SNX13: variants seen among roughly 807,000 people sequenced by gnomAD.
SNX13 encodes the protein sorting nexin 13.
Under a neutral mutation model 133.6 loss-of-function variants are expected in SNX13, and 45 were observed. The observed-to-expected ratio is 0.34, with a 90% CI of 0.27 to 0.43. The LOEUF is 0.43. SNX13 is among the 20% of genes least tolerant of loss of function. SNX13 has a pLI of 1.00. For synonymous variants in SNX13, 414 were observed against 373.9 expected (o/e 1.11, Z -1.24); for missense variants, 1,032 against 1,145.1 (o/e 0.90, Z 1.43).
intron 1 of SNX13, among the ~76,000 whole-genome samples, chr7:17,933,960 A>G (rs1353337627): frequency 6.6e-6 from 1 of 152,208 alleles, no homozygotes; most frequent in Non-Finnish European, 1.5e-5. Flanking sequence ...AAAAGCTTAG[A>G]AAGTTCAAAC....
intron 9 of SNX13, among the ~76,000 whole-genome samples, chr7:17,862,361 T>C (rs1792814499): frequency 6.6e-6 from 1 of 152,210 alleles, no homozygotes; most frequent in South Asian, 2.1e-4. Context: ...CTTAAATGTT[T>C]ATAAATTTTG....
At chr7:17,922,629 A>G (rs1202574163) in intron 1 of SNX13, among the ~76,000 whole-genome samples, 1 of 152,222 alleles carries the variant, frequency 6.6e-6, no homozygotes, top group Non-Finnish European at 1.5e-5. Flanking sequence ...AATTGGCATC[A>G]TAACATTTAT....
chr7:17,793,792 C>G lies in SNX13; in HGVS notation c.*253G>C. 1 of 350,044 alleles carries G rather than the reference C, an allele frequency of 2.9e-6. No homozygotes were observed. Among genetic ancestry groups the G allele is most frequent in the Non-Finnish European group, 5.2e-6 (1 of 192,556 alleles). 21.7% of individuals were successfully genotyped at this position (350,044 alleles called of 1,614,324 possible). Reference sequence around the variant, plus strand: ...ATGGAAGAAACCAACGCCATTCTTGCTTGAGATGGGGGCAGTTTTCTCTCA... The same window carrying G: ...ATGGAAGAAACCAACGCCATTCTTGGTTGAGATGGGGGCAGTTTTCTCTCA... On this transcript the variant is annotated 3_prime_UTR_variant, in exon 26 of 26. Transcript: ENST00000428135.
intron 9 of SNX13, among the ~76,000 whole-genome samples, chr7:17,864,773 AAGGAGAAGG>A (rs1793164517): frequency 6.6e-6 from 1 of 151,668 alleles, no homozygotes; most frequent in Non-Finnish European, 1.5e-5. Flanking sequence ...GAAGGAAAAG[AAGGAGAAGG>A]AGGAGAAGGG....
rs549661864 is a variant in SNX13 at position 17,889,952 on chromosome 7, AGGAGAAG to A, written c.440+404_440+410del. The A allele has an allele frequency of 8.7e-4, 134 of 153,840 alleles. No individual in the cohort carries two copies. In the East Asian group the frequency reaches 0.01, roughly 12 times the overall value. 9.5% of individuals were successfully genotyped at this position (153,840 alleles called of 1,614,324 possible). On this transcript the variant is annotated intron_variant, in intron 5 of 25. Transcript: ENST00000428135. ...CTTCCAATAGATATGTGTCATAATT[AGGAGAAG>A]GGTTACAGCAAAACTATGTGGAGAA...
intron 13 of SNX13, among the ~76,000 whole-genome samples, chr7:17,835,239 G>A (rs1294958426): frequency 5.9e-5 from 9 of 151,818 alleles, no homozygotes; most frequent in African/African-American, 2.2e-4. Flanking sequence ...CTGGCACATA[G>A]GAAACACTGT....
chr7:17,909,379 T>C (rs1046477666), intron 1 of SNX13, among the ~76,000 whole-genome samples: 3 of 152,210 alleles, frequency 2.0e-5, no homozygotes, highest in Non-Finnish European at 2.9e-5. Context: ...GAAATCATTC[T>C]ATTATAAAGA....
At position 17,794,066 on chromosome 7, in the gene SNX13, C is replaced by A. The variant is rs184459414; in HGVS notation, c.2853G>T (p.Ala951=). 11 of 1,611,288 alleles carry A rather than the reference C, an allele frequency of 6.8e-6. No individual in the cohort carries two copies. The highest frequency in any genetic ancestry group is 9.3e-6 in the Non-Finnish European group (11 of 1,178,154). ...KYKQKLQTTQ[A]PSLQKR ...AGTGTCACCTTTTCTGCAAAGAAGGCGCTTGAGTAGTTTGAAGTTTCTGTT... is the reference window on the plus strand; with the variant it reads ...AGTGTCACCTTTTCTGCAAAGAAGGAGCTTGAGTAGTTTGAAGTTTCTGTT... The change falls in exon 26 of 26, where the codon GCG becomes GCT. Residue 951 remains alanine (A), a synonymous_variant. Transcript: ENST00000428135.
rs530572345 is a variant in SNX13 at position 17,852,622 on chromosome 7, G to A, written c.838-1658C>T. On this transcript the variant is annotated intron_variant, in intron 9 of 25. Coordinates refer to ENST00000428135, the MANE Select transcript of SNX13 (RefSeq NM_015132.5). ...GTTTTGCTGTAAAAAAAATAAGCAG[G>A]AGTAAAGAGTACTGCCTAAAATGGA... Among the ~76,000 whole-genome samples, 18 of 152,256 alleles carry A rather than the reference G, an allele frequency of 1.2e-4. No homozygotes were observed. In the South Asian group the frequency reaches 3.3e-3, roughly 28 times the overall value.
At chr7:17,885,938 T>C (rs1030277971) in intron 5 of SNX13, among the ~76,000 whole-genome samples, 1 of 152,198 alleles carries the variant, frequency 6.6e-6, no homozygotes, top group African/African-American at 2.4e-5. Flanking sequence ...ATAAATATAA[T>C]AACTGTCTTT....
In SNX13 at chr7:17,799,023, G is replaced by C. The variant is rs199658532; in HGVS notation, c.2430C>G (p.Gly810=). Residue 810 remains glycine, a synonymous_variant, in exon 23 of 26, where the codon GGC becomes GGG. Coordinates refer to ENST00000428135, the MANE Select transcript of SNX13 (RefSeq NM_015132.5). The part of the protein sequence containing the change: ...LLQQLIRATY[G]DTINRKIVDH... ...AAGAGTGCTACCTATTAATAGTATC[G>C]CCATATGTAGCTCTAATAAGCTGTT... The C allele has an allele frequency of 9.3e-6, 15 of 1,609,310 alleles. No individual in the cohort carries two copies. Among genetic ancestry groups the C allele is most frequent in the Non-Finnish European group, 1.3e-5 (15 of 1,177,390 alleles).
At chr7:17,809,907 G>A (rs759821216) in intron 20 of SNX13, among the ~76,000 whole-genome samples, 7 of 152,138 alleles carry the variant, frequency 4.6e-5, no homozygotes, top group Non-Finnish European at 1.0e-4. Context: ...AAATAAATAC[G>A]TTCCTTGAAA....
intron 20 of SNX13, among the ~76,000 whole-genome samples, chr7:17,808,525 C>T (rs189450564): frequency 2.0e-5 from 3 of 152,170 alleles, no homozygotes; most frequent in African/African-American, 7.2e-5. Context: ...AGTTGGAAAA[C>T]ACTCTTCAGG....
chr7:17,799,247 C>T, intron 22 of SNX13, 93 bp from the exon 23 acceptor site: 2 of 1,070,284 alleles, frequency 1.9e-6, no homozygotes, highest in South Asian at 1.9e-5. Context: ...TGATATTTCA[C>T]AAGTCAGAGA....
intron 9 of SNX13, among the ~76,000 whole-genome samples, chr7:17,851,987 T>C (rs974157207): frequency 2.6e-5 from 4 of 151,930 alleles, no homozygotes; most frequent in African/African-American, 4.8e-5. Context: ...ACTCAGAAGA[T>C]TTACTTACAC....
chr7:17,911,701 G>A (rs766124249), intron 1 of SNX13, among the ~76,000 whole-genome samples: 14 of 151,626 alleles, frequency 9.2e-5, no homozygotes, highest in Non-Finnish European at 2.1e-4. Flanking sequence ...AAAAATTGAT[G>A]TAAGTATTAA....
chr7:17,808,524 A>C (rs541699700), intron 20 of SNX13, among the ~76,000 whole-genome samples: 1 of 152,344 alleles, frequency 6.6e-6, no homozygotes, highest in South Asian at 2.1e-4. Flanking sequence ...AAGTTGGAAA[A>C]CACTCTTCAG....
chr7:17,916,375 G>A (rs1799567182), intron 1 of SNX13, among the ~76,000 whole-genome samples: 1 of 152,042 alleles, frequency 6.6e-6, no homozygotes, highest in Non-Finnish European at 1.5e-5. Flanking sequence ...ATCAAAAGTT[G>A]GTTATTTGAA....
chr7:17,853,548 G>GA (rs1256572514), intron 9 of SNX13, among the ~76,000 whole-genome samples: 1 of 152,010 alleles, frequency 6.6e-6, no homozygotes, highest in Admixed American at 6.5e-5. Context: ...AGTACTAAAA[G>GA]AAAAAAATAC....
Sources: gnomAD v4.1 joint callset for allele counts (sites outside exome capture counted in the v4.1 genomes callset) on GRCh38, gnomAD v4.1.1 for gene constraint, MANE v1.5 for transcripts, NCBI Gene and HGNC (gene_info 2026-07-23, HGNC 2026-07-21) for gene names.